XPO7: variants seen among roughly 807,000 people sequenced by gnomAD.
XPO7 encodes exportin 7.
Under a neutral mutation model 144.3 loss-of-function variants are expected in XPO7, and 21 were observed. The ratio of observed to expected loss-of-function variants is 0.15; its 90% CI spans 0.10 to 0.21. The LOEUF (loss-of-function observed/expected upper bound fraction) is 0.21, where lower values mean the gene tolerates loss of function less well. Ranked by LOEUF, XPO7 falls within the 10% of genes least tolerant of loss-of-function variation. XPO7 has a pLI of 1.00. For synonymous variants in XPO7, 580 were observed against 499.6 expected (o/e 1.16, Z -2.15); for missense variants, 808 against 1,325.8 (o/e 0.61, Z 6.06).
chr8:21,987,964 C>T (rs1812636446), intron 15 of XPO7, 107 bp downstream of exon 15: 1 of 1,210,280 alleles, frequency 8.3e-7, no homozygotes, highest in Non-Finnish European at 1.2e-6. Context: ...CAGCATTGAT[C>T]GTTTGCGTCA....
chr8:21,966,705 G>A (rs1811896402), intron 1 of XPO7, among the ~76,000 whole-genome samples, 152 bp from the exon 2 acceptor site: 1 of 152,160 alleles, frequency 6.6e-6, no homozygotes, highest in African/African-American at 2.4e-5. Flanking sequence ...ACCTATAAAT[G>A]GTTATTAGGT....
intron 11 of XPO7, among the ~76,000 whole-genome samples, chr8:21,984,080 G>C (rs1812492158): frequency 6.6e-6 from 1 of 152,164 alleles, no homozygotes; most frequent in Admixed American, 6.5e-5. Flanking sequence ...GTTGGTATGA[G>C]ACCATTTGTA....
At chr8:21,937,198 A>G (rs1193507368) in intron 1 of XPO7, among the ~76,000 whole-genome samples, 1 of 152,224 alleles carries the variant, frequency 6.6e-6, no homozygotes, top group Non-Finnish European at 1.5e-5. Context: ...AGATATGACC[A>G]CCATAGAGCA....
intron 1 of XPO7, chr8:21,966,297 G>C (rs755715999): frequency 1.2e-5 from 9 of 780,454 alleles, no homozygotes; most frequent in Admixed American, 1.7e-5. Flanking sequence ...TTAGACATGA[G>C]GGATCCAGGG....
chr8:22,006,364 C>T lies in XPO7; in HGVS notation c.*1276C>T, dbSNP rs1341668542. On this transcript the variant is annotated 3_prime_UTR_variant, in exon 28 of 28. Transcript: ENST00000252512. ...TTGTTGCTGCTAGTTGTACACATCT[C>T]TAGTTCAGCTCTTGCCCACGGGACA... 1.3e-5 allele frequency: 2 copies of T among 152,160 alleles called. No individual in the cohort carries two copies. Among genetic ancestry groups the T allele is most frequent in the Non-Finnish European group, 2.9e-5 (2 of 68,024 alleles). 9.4% of individuals were successfully genotyped at this position (152,160 alleles called of 1,614,324 possible).
chr8:21,974,562 T>A, intron 5 of XPO7, 108 bp from the exon 6 acceptor site: 1 of 695,306 alleles, frequency 1.4e-6, no homozygotes, highest in South Asian at 2.1e-5. Context: ...ATGTATTTTA[T>A]GTTTATGTTG....
intron 5 of XPO7, 165 bp downstream of exon 5, chr8:21,972,106 T>G (rs1007867706): frequency 3.5e-5 from 20 of 572,572 alleles, no homozygotes; most frequent in Non-Finnish European, 5.9e-5. Flanking sequence ...TCCTCTGTAA[T>G]TGCAACTCAC....
chr8:22,003,359 C>G, intron 26 of XPO7, 42 bp downstream of exon 26: 1 of 1,485,762 alleles, frequency 6.7e-7, no homozygotes, highest in Non-Finnish European at 9.3e-7. Flanking sequence ...GAAGCAGTGG[C>G]AACCACGCAC....
chr8:21,994,936 C>T (rs1336710454), intron 20 of XPO7, among the ~76,000 whole-genome samples: 3 of 152,030 alleles, frequency 2.0e-5, no homozygotes, highest in Non-Finnish European at 4.4e-5. Flanking sequence ...CGCTTGTAGT[C>T]CCAGATACTT....
chr8:21,995,068 AAT>A (rs1812901225), intron 20 of XPO7, among the ~76,000 whole-genome samples: 1 of 97,436 alleles, frequency 1.0e-5, no homozygotes, highest in South Asian at 3.7e-4. Context: ...AAAAATAAAT[AAT>A]AATAATAATA....
At chr8:21,967,044 C>T (rs370589745) in intron 2 of XPO7, 41 bp downstream of exon 2, 23 of 1,587,510 alleles carry the variant, frequency 1.4e-5, no homozygotes, top group South Asian at 3.4e-5. Flanking sequence ...ACAGGCGCTT[C>T]GGAAACGTTA....
At chr8:21,928,675 T>G (rs1285062855) in intron 1 of XPO7, among the ~76,000 whole-genome samples, 1 of 152,230 alleles carries the variant, frequency 6.6e-6, no homozygotes, top group African/African-American at 2.4e-5. Flanking sequence ...ATCTCAGGCT[T>G]GCAAACCAGG....
At chr8:21,923,330 A>G (rs1265731355) in intron 1 of XPO7, among the ~76,000 whole-genome samples, 3 of 152,158 alleles carry the variant, frequency 2.0e-5, no homozygotes, top group East Asian at 1.9e-4. Flanking sequence ...GAAAGAATAC[A>G]TTGATTTCAA....
chr8:21,954,131 C>CT (rs1163071595), intron 1 of XPO7, among the ~76,000 whole-genome samples: 1 of 152,108 alleles, frequency 6.6e-6, no homozygotes, highest in Non-Finnish European at 1.5e-5. Flanking sequence ...ATCTGAAATC[C>CT]TTTTTATCTA....
At chr8:21,933,212 T>A (rs1810712712) in intron 1 of XPO7, among the ~76,000 whole-genome samples, 1 of 151,476 alleles carries the variant, frequency 6.6e-6, no homozygotes, top group African/African-American at 2.4e-5. Flanking sequence ...GTGATTCTCC[T>A]GTCTCAGCCT....
rs1379868153 is a variant in XPO7, at chr8:21,982,000, T to G, written c.1104+123T>G. On this transcript the variant is annotated intron_variant, in intron 10 of 27. Transcript: ENST00000252512. ...GGTAACCATAAGTCCAGTATAGCCC[T>G]ACAGAGTAGTTACTATTGTGGCCTG... is the stretch of plus-strand genomic sequence containing the variant. 48 of 1,268,040 alleles carry G rather than the reference T, an allele frequency of 3.8e-5. No homozygotes were observed. In the East Asian group the frequency reaches 1.1e-3, roughly 29 times the overall value. 78.5% of individuals were successfully genotyped at this position (1,268,040 alleles called of 1,614,324 possible). A position where few individuals can be genotyped will look rare whatever the true frequency, so the allele number is the denominator to read the frequency against.
chr8:21,924,137 G>T (rs1327382170), intron 1 of XPO7, among the ~76,000 whole-genome samples: 1 of 152,164 alleles, frequency 6.6e-6, no homozygotes, highest in Non-Finnish European at 1.5e-5. Flanking sequence ...TCAGGCCTCA[G>T]TTCCTCACTG....
At chr8:22,003,761 T>G in intron 26 of XPO7, 142 bp from the exon 27 acceptor site, 1 of 1,247,466 alleles carries the variant, frequency 8.0e-7, no homozygotes, top group Non-Finnish European at 1.1e-6. Flanking sequence ...AGTGCTTGCC[T>G]GAATTTCTTT....
In XPO7 at chr8:22,005,777, G is replaced by T. The variant is rs889717329; in HGVS notation, c.*689G>T. 6.6e-6 allele frequency: 1 copy of T among 152,198 alleles called. No homozygotes were observed. Among genetic ancestry groups the T allele is most frequent in the Non-Finnish European group, 1.5e-5 (1 of 68,062 alleles). The allele number at this position is 152,198 out of a possible 1,614,324, so 9.4% of individuals were successfully genotyped here. On this transcript the variant is annotated 3_prime_UTR_variant, in exon 28 of 28. Transcript: ENST00000252512. ...AGAACACCGTCCCTCCCCTTGGACC[G>T]TGTAGATTCTGCCCTGGGTCCCTAG...
Sources: allele counts gnomAD v4.1 joint callset (sites outside exome capture counted in the v4.1 genomes callset), GRCh38; gene constraint gnomAD v4.1.1; transcripts MANE v1.5; gene names NCBI Gene and HGNC (gene_info 2026-07-23, HGNC 2026-07-21).